The following SYT1 variants were observed in gnomAD, a reference collection of about 807,000 sequenced individuals.
SYT1 encodes the protein synaptotagmin-1.
A neutral mutation model predicts 44.8 loss-of-function variants in SYT1; 8 were observed. That is an observed-to-expected ratio of 0.18 (90% confidence interval 0.10 to 0.32). The LOEUF (loss-of-function observed/expected upper bound fraction) is 0.32. Ranked by LOEUF, SYT1 falls within the 10% of genes least tolerant of loss-of-function variation. The probability of loss-of-function intolerance (pLI) is 1.00; values close to 1 mark genes in which losing one functional copy is unlikely to be tolerated. For missense variants in SYT1, 286 were observed against 509.3 expected (o/e 0.56, Z 4.22); for synonymous variants, 154 against 188.8 (o/e 0.82, Z 1.51).
intron 3 of SYT1, among the ~76,000 whole-genome samples, chr12:79,117,700 T>A (rs1565813840): frequency 5.0e-5 from 5 of 99,522 alleles, no homozygotes; most frequent in African/African-American, 1.5e-4. Flanking sequence ...TATATATATA[T>A]ATATATATAT....
chr12:78,879,916 G>A (rs1874365889), intron 1 of SYT1, among the ~76,000 whole-genome samples: 1 of 151,502 alleles, frequency 6.6e-6, no homozygotes, highest in South Asian at 2.1e-4. Context: ...ATGTTGGAGT[G>A]CTTTCTTTTC....
chr12:79,393,327 G>A (rs1884743592), intron 9 of SYT1: 1 of 152,106 alleles, frequency 6.6e-6, no homozygotes, highest in Admixed American at 6.6e-5. Flanking sequence ...CCCAGTAATG[G>A]GATTGCTGGG....
chr12:79,030,592 C>A (rs1387830427), intron 2 of SYT1, among the ~76,000 whole-genome samples: 5 of 151,030 alleles, frequency 3.3e-5, no homozygotes, highest in African/African-American at 1.2e-4. Flanking sequence ...CCTTTTCCCA[C>A]TCCATCTTCT....
chr12:79,226,246 A>T (rs1056241042), intron 4 of SYT1, among the ~76,000 whole-genome samples: 1 of 152,188 alleles, frequency 6.6e-6, no homozygotes, highest in African/African-American at 2.4e-5. Context: ...TTGAAAATGT[A>T]ATTGTTTCTT....
intron 1 of SYT1, among the ~76,000 whole-genome samples, chr12:78,865,537 G>T (rs2137025471): frequency 7.0e-6 from 1 of 142,278 alleles, no homozygotes; most frequent in South Asian, 2.4e-4. Flanking sequence ...AAAGGAGAAA[G>T]ATTTCTTTCT....
chr12:79,320,266 AAGAG>A (rs1834010526), intron 8 of SYT1, among the ~76,000 whole-genome samples: 1 of 152,302 alleles, frequency 6.6e-6, no homozygotes, highest in Middle Eastern at 3.4e-3. Context: ...CTTCTCATGA[AAGAG>A]AGAGAGAAAA....
intron 8 of SYT1, among the ~76,000 whole-genome samples, chr12:79,326,928 G>A (rs1881633000): frequency 2.6e-5 from 4 of 152,166 alleles, no homozygotes; most frequent in South Asian, 4.1e-4. Context: ...AATGACTGGT[G>A]TAATAAGTTT....
chr12:79,053,429 G>A (rs992950518), intron 3 of SYT1, among the ~76,000 whole-genome samples: 14 of 151,752 alleles, frequency 9.2e-5, no homozygotes, highest in Non-Finnish European at 1.9e-4. Flanking sequence ...AATGGGTGCA[G>A]CACACCAACA....
chr12:78,996,378 T>A (rs1870383114), intron 2 of SYT1, among the ~76,000 whole-genome samples: 1 of 152,150 alleles, frequency 6.6e-6, no homozygotes, highest in Admixed American at 6.6e-5. Flanking sequence ...TATAGGGGAA[T>A]CTTGCAAAGA....
intron 2 of SYT1, among the ~76,000 whole-genome samples, chr12:78,984,794 G>A (rs1869523955): frequency 6.6e-6 from 1 of 151,790 alleles, no homozygotes; most frequent in African/African-American, 2.4e-5. Flanking sequence ...TTATTCTAAG[G>A]TATTTAAATA....
chr12:79,394,380 A>T (rs1317198677), intron 9 of SYT1, among the ~76,000 whole-genome samples: 1 of 152,232 alleles, frequency 6.6e-6, no homozygotes, highest in Non-Finnish European at 1.5e-5. Flanking sequence ...CTACAAAAAA[A>T]ATTACAGGCA....
At chr12:79,100,456 A>G (rs1878384283) in intron 3 of SYT1, among the ~76,000 whole-genome samples, 1 of 152,148 alleles carries the variant, frequency 6.6e-6, no homozygotes, top group Non-Finnish European at 1.5e-5. Context: ...AACCAAGGTA[A>G]GGAGGAGAGA....
intron 4 of SYT1, among the ~76,000 whole-genome samples, chr12:79,275,448 G>C (rs1376606695): frequency 2.0e-5 from 3 of 152,114 alleles, no homozygotes; most frequent in Admixed American, 1.3e-4. Flanking sequence ...CCAGGTTCAG[G>C]CTTGCAAGAG....
chr12:79,431,508 A>ATTTT (rs34091989), intron 9 of SYT1, among the ~76,000 whole-genome samples: 12 of 141,722 alleles, frequency 8.5e-5, no homozygotes, highest in South Asian at 2.2e-4. Flanking sequence ...ATTTTATTTT[A>ATTTT]TTTTATTATT....
intron 3 of SYT1, among the ~76,000 whole-genome samples, chr12:79,193,403 G>A (rs184231004): frequency 3.0e-4 from 45 of 152,280 alleles, no homozygotes; most frequent in Non-Finnish European, 3.5e-4. Flanking sequence ...AATTAAGTGG[G>A]AGTGGAATTT....
At chr12:79,445,988 GAC>G (rs1224070058) in intron 10 of SYT1, among the ~76,000 whole-genome samples, 1 of 46,932 alleles carries the variant, frequency 2.1e-5, no homozygotes, top group African/African-American at 7.6e-5. Flanking sequence ...TTAATCCAAA[GAC>G]ATATATATAT....
At chr12:79,049,974 A>G (rs746951563) in intron 3 of SYT1, among the ~76,000 whole-genome samples, 8 of 152,046 alleles carry the variant, frequency 5.3e-5, no homozygotes, top group Non-Finnish European at 7.4e-5. Flanking sequence ...ATAGAAAAAT[A>G]AAAGACCACT....
chr12:79,043,102 G>C (rs1218099247), intron 2 of SYT1, among the ~76,000 whole-genome samples: 1 of 150,812 alleles, frequency 6.6e-6, no homozygotes, highest in Non-Finnish European at 1.5e-5. Flanking sequence ...TGTATATTCT[G>C]TTGATTTGGG....
chr12:79,001,165 T>G (rs751640307), intron 2 of SYT1, among the ~76,000 whole-genome samples: 1 of 152,078 alleles, frequency 6.6e-6, no homozygotes, highest in Non-Finnish European at 1.5e-5. Context: ...AAATTGCCAT[T>G]ATTTAACCAG....
Sources: allele counts gnomAD v4.1 joint callset (sites outside exome capture counted in the v4.1 genomes callset), GRCh38; gene constraint gnomAD v4.1.1; transcripts MANE v1.5; gene names NCBI Gene and HGNC (gene_info 2026-07-23, HGNC 2026-07-21).